Variants in FGD6 observed in about 807,000 individuals in gnomAD.
FGD6 encodes FYVE, RhoGEF and PH domain containing 6, also known as FYVE, RhoGEF and PH domain-containing protein 6.
A neutral mutation model predicts 149.4 loss-of-function variants in FGD6; 90 were observed. The ratio of observed to expected loss-of-function variants is 0.60; its 90% CI spans 0.51 to 0.72. The LOEUF (loss-of-function observed/expected upper bound fraction) is 0.72, where lower values mean the gene tolerates loss of function less well. FGD6 is among the 30% of genes least tolerant of loss of function. The pLI, the probability that FGD6 is intolerant of heterozygous loss-of-function variation, is 0.00. For missense variants in FGD6, 1,437 were observed against 1,684.8 expected (o/e 0.85, Z 2.57); for synonymous variants, 527 against 584.0 (o/e 0.90, Z 1.41).
intron 3 of FGD6, among the ~76,000 whole-genome samples, chr12:95,166,949 C>T (rs1420471791): frequency 6.6e-6 from 1 of 150,650 alleles, no homozygotes; most frequent in Admixed American, 6.6e-5. Flanking sequence ...CTCTACCTCC[C>T]GGGTTCAAGC....
In FGD6 at chr12:95,112,316, G is replaced by A. The variant is rs148766883; in HGVS notation, c.3133+1335C>T. ...CATGTTTCTGCAGTTAGACCCAGGC[G>A]TTGCTGGGCATGGTGGCTCACATCT... On this transcript the variant is annotated intron_variant, in intron 9 of 20. Transcript: ENST00000343958. 6.7e-3 allele frequency among the ~76,000 whole-genome samples: 1,006 copies of A among 151,098 alleles called. 16 individuals carry two copies. Among genetic ancestry groups the A allele is most frequent in the African/African-American group, 0.022 (892 of 41,162 alleles).
In FGD6 at chr12:95,094,661, C is replaced by G. The variant is rs754676111; in HGVS notation, c.3531G>C (p.Ala1177=). 16 of 1,613,532 alleles carry G rather than the reference C, an allele frequency of 9.9e-6. No homozygotes were observed. Among genetic ancestry groups the G allele is most frequent in the Non-Finnish European group, 1.4e-5 (16 of 1,179,908 alleles). The change falls in exon 15 of 21, where the codon GCG becomes GCC. Residue 1177 remains alanine (A), a synonymous_variant. Coordinates refer to ENST00000343958, the MANE Select transcript of FGD6 (RefSeq NM_018351.4). The part of the protein sequence containing the change: ...SATERDEWLE[A]ISRAIEEYAK... ...CATACTCTTCTATTGCCCTGGAAAT[C>G]GCTTCTAGCCATTCATCCCTTTCTG...
chr12:95,186,622 ACTAT>A (rs1242996374), intron 2 of FGD6, among the ~76,000 whole-genome samples: 3 of 151,954 alleles, frequency 2.0e-5, no homozygotes, highest in African/African-American at 4.8e-5. Context: ...TTGTTTCTGT[ACTAT>A]CTGTCACTGC....
intron 9 of FGD6, among the ~76,000 whole-genome samples, chr12:95,112,587 G>A (rs1038663331): frequency 6.6e-6 from 1 of 152,036 alleles, no homozygotes; most frequent in Non-Finnish European, 1.5e-5. Context: ...GTGACAGAGT[G>A]AGACTCTGTC....
chr12:95,178,940 T>C (rs1252859474), intron 2 of FGD6, among the ~76,000 whole-genome samples: 1 of 152,106 alleles, frequency 6.6e-6, no homozygotes, highest in Non-Finnish European at 1.5e-5. Context: ...CCTTTCAAAC[T>C]AGCAAGCTAG....
chr12:95,153,709 T>C (rs904866519), intron 3 of FGD6, among the ~76,000 whole-genome samples: 6 of 151,962 alleles, frequency 3.9e-5, no homozygotes, highest in African/African-American at 1.5e-4. Context: ...TAATATCCAA[T>C]AGGAATGTAG....
chr12:95,133,746 A>G (rs975768925), intron 8 of FGD6, among the ~76,000 whole-genome samples: 3 of 152,210 alleles, frequency 2.0e-5, no homozygotes, highest in African/African-American at 4.8e-5. Context: ...CAAATATTCC[A>G]GAGACCCTAG....
At chr12:95,193,120 TCCCACACAA>T (rs1259189076) in intron 2 of FGD6, among the ~76,000 whole-genome samples, 1 of 152,122 alleles carries the variant, frequency 6.6e-6, no homozygotes, top group East Asian at 1.9e-4. Context: ...AACATGCAAT[TCCCACACAA>T]CCCCTAATTG....
At chr12:95,084,738 T>G in intron 19 of FGD6, 92 bp from the exon 20 acceptor site, 1 of 1,008,210 alleles carries the variant, frequency 9.9e-7, no homozygotes. Context: ...CTAATTTAAT[T>G]TCAATTATTC....
chr12:95,194,348 GC>G (rs764157667), intron 2 of FGD6, among the ~76,000 whole-genome samples: 20 of 152,106 alleles, frequency 1.3e-4, no homozygotes, highest in Middle Eastern at 3.2e-3. Flanking sequence ...CGATTCTCCT[GC>G]CCCAGCCTCC....
intron 5 of FGD6, among the ~76,000 whole-genome samples, chr12:95,143,144 T>C (rs1357698773): frequency 6.6e-6 from 1 of 152,182 alleles, no homozygotes; most frequent in Non-Finnish European, 1.5e-5. Flanking sequence ...ATAGGCCTTA[T>C]CTTCCCTTAC....
intron 2 of FGD6, among the ~76,000 whole-genome samples, chr12:95,200,998 G>T (rs2056656702): frequency 6.6e-6 from 1 of 151,442 alleles, no homozygotes; most frequent in South Asian, 2.1e-4. Context: ...AAATAAATAG[G>T]CTGATATAAA....
intron 8 of FGD6, among the ~76,000 whole-genome samples, chr12:95,123,045 A>T (rs1592841775): frequency 4.3e-5 from 6 of 140,206 alleles, no homozygotes; most frequent in Admixed American, 3.5e-4. Context: ...ACAGAGTGAG[A>T]CTCTGTCAAA....
At chr12:95,195,387 TC>T (rs1881710837) in intron 2 of FGD6, among the ~76,000 whole-genome samples, 1 of 152,030 alleles carries the variant, frequency 6.6e-6, no homozygotes, top group South Asian at 2.1e-4. Flanking sequence ...CAGAGCAGCA[TC>T]ACACCACTGT....
At chr12:95,134,032 G>C (rs1015300036) in intron 8 of FGD6, among the ~76,000 whole-genome samples, 2 of 152,102 alleles carry the variant, frequency 1.3e-5, no homozygotes, top group African/African-American at 4.8e-5. Context: ...TCTAGTAGAA[G>C]ATAGACTATT....
intron 8 of FGD6, among the ~76,000 whole-genome samples, chr12:95,127,468 C>T (rs1435766551): frequency 2.0e-5 from 3 of 152,188 alleles, no homozygotes; most frequent in African/African-American, 7.2e-5. Flanking sequence ...CACTTGAACC[C>T]AGGAGGTGGA....
chr12:95,166,607 G>T (rs905925619), intron 3 of FGD6, among the ~76,000 whole-genome samples: 2 of 152,024 alleles, frequency 1.3e-5, no homozygotes, highest in African/African-American at 4.8e-5. Flanking sequence ...AGGAGGAAGG[G>T]ACGAGAGATC....
intron 8 of FGD6, among the ~76,000 whole-genome samples, chr12:95,132,425 TTAC>T (rs1471418378): frequency 1.3e-5 from 2 of 152,224 alleles, no homozygotes; most frequent in African/African-American, 4.8e-5. Context: ...TGTAGACTTT[TTAC>T]TACTTAGAAC....
intron 6 of FGD6, among the ~76,000 whole-genome samples, chr12:95,140,636 C>T (rs370772521): frequency 2.0e-5 from 3 of 152,020 alleles, no homozygotes; most frequent in East Asian, 3.9e-4. Flanking sequence ...AAAAAAATTG[C>T]TTTTCCAAAA....
Sources: allele counts gnomAD v4.1 joint callset (sites outside exome capture counted in the v4.1 genomes callset), GRCh38; gene constraint gnomAD v4.1.1; transcripts MANE v1.5; gene names NCBI Gene and HGNC (gene_info 2026-07-23, HGNC 2026-07-21).